Variants in UBE4B observed in about 807,000 individuals in gnomAD.
UBE4B encodes ubiquitination factor E4B.
UBE4B carries 27 observed loss-of-function variants against 148.1 expected under a neutral mutation model. The ratio of observed to expected loss-of-function variants is 0.18; its 90% CI spans 0.13 to 0.25. The LOEUF is 0.25. Ranked by LOEUF, UBE4B falls within the 10% of genes least tolerant of loss-of-function variation. The pLI is 1.00. For synonymous variants in UBE4B, 596 were observed against 619.3 expected (o/e 0.96, Z 0.56); for missense variants, 1,170 against 1,662.4 (o/e 0.70, Z 5.15).
chr1:10,152,564 G>A (rs1042742518), intron 21 of UBE4B, among the ~76,000 whole-genome samples: 11 of 151,908 alleles, frequency 7.2e-5, no homozygotes, highest in African/African-American at 2.2e-4. Context: ...TTGGGAGGCC[G>A]AGGCGGGTGG....
Position 10,122,016 on chromosome 1 carries a change from A to T in UBE4B, c.1494A>T (p.Pro498=). The T allele has an allele frequency of 6.2e-7, 1 of 1,613,726 alleles. No individual in the cohort carries two copies. The highest frequency in any genetic ancestry group is 8.5e-7 in the Non-Finnish European group (1 of 1,179,888). The part of the protein sequence containing the change: ...LVPYMLCRNL[P]YGFIQELVRT... ...CGTATATGCTGTGTAGGAATCTCCC[A>T]TATGGCTTCATTCAGGAACTGGTGA... is the stretch of plus-strand genomic sequence containing the variant. The change falls in exon 10 of 28, where the codon CCA becomes CCT. Residue 498 remains proline, a synonymous_variant. Transcript: ENST00000343090.
chr1:10,121,350 A>G (rs183175410), intron 9 of UBE4B, among the ~76,000 whole-genome samples: 2 of 152,298 alleles, frequency 1.3e-5, no homozygotes, highest in East Asian at 1.9e-4. Flanking sequence ...GCGAGACTCC[A>G]TCTCTAAAAA....
At chr1:10,136,441 C>T (rs1645684112) in intron 16 of UBE4B, among the ~76,000 whole-genome samples, 1 of 148,232 alleles carries the variant, frequency 6.7e-6, no homozygotes, top group Admixed American at 6.8e-5. Flanking sequence ...CTGCACTGCA[C>T]TGCAGCCTAG....
At chr1:10,038,932 C>T (rs924281324) in intron 1 of UBE4B, among the ~76,000 whole-genome samples, 6 of 151,970 alleles carry the variant, frequency 3.9e-5, no homozygotes, top group Admixed American at 3.3e-4. Context: ...TGATGGTACG[C>T]ACCTGTAATC....
intron 1 of UBE4B, among the ~76,000 whole-genome samples, chr1:10,057,637 C>T (rs1272872280): frequency 1.3e-5 from 2 of 149,808 alleles, no homozygotes. Flanking sequence ...AACTGCTGAG[C>T]TCAAGCAGTC....
chr1:10,163,471 C>T (rs1646199360), intron 23 of UBE4B: 1 of 152,112 alleles, frequency 6.6e-6, no homozygotes, highest in Admixed American at 6.6e-5. Flanking sequence ...AGATCAAGAA[C>T]ATCCTGGCCA....
At chr1:10,044,481 G>T (rs535389646) in intron 1 of UBE4B, among the ~76,000 whole-genome samples, 347 of 152,220 alleles carry the variant, frequency 2.3e-3, no homozygotes, top group Non-Finnish European at 3.8e-3. Flanking sequence ...GGAGGGGAAG[G>T]GATGGTTTTG....
chr1:10,105,011 G>A (rs1645082186), intron 5 of UBE4B, among the ~76,000 whole-genome samples: 1 of 152,230 alleles, frequency 6.6e-6, no homozygotes, highest in South Asian at 2.1e-4. Context: ...GCCACATGGT[G>A]ACTAGATGTT....
At chr1:10,112,256 T>C (rs1033516874) in intron 7 of UBE4B, among the ~76,000 whole-genome samples, 2 of 152,230 alleles carry the variant, frequency 1.3e-5, no homozygotes, top group African/African-American at 4.8e-5. Flanking sequence ...GAGGGAGGTA[T>C]AATTTTCTAG....
At chr1:10,119,823 G>T (rs1309023285) in intron 9 of UBE4B, among the ~76,000 whole-genome samples, 1 of 152,166 alleles carries the variant, frequency 6.6e-6, no homozygotes, top group Admixed American at 6.5e-5. Context: ...ATTTTAAAAA[G>T]AAATTAGTTA....
chr1:10,046,697 C>T (rs1464592683), intron 1 of UBE4B, among the ~76,000 whole-genome samples: 1 of 152,128 alleles, frequency 6.6e-6, no homozygotes, highest in Non-Finnish European at 1.5e-5. Flanking sequence ...GTTTCTTTTC[C>T]TCTGGGGTCA....
At chr1:10,045,206 C>G (rs930752842) in intron 1 of UBE4B, among the ~76,000 whole-genome samples, 2 of 152,208 alleles carry the variant, frequency 1.3e-5, no homozygotes, top group Admixed American at 6.5e-5. Flanking sequence ...GAGCTTCACT[C>G]CCTCACTCGC....
At chr1:10,163,518 A>G (rs1008688008) in intron 23 of UBE4B, 1 of 151,932 alleles carries the variant, frequency 6.6e-6, no homozygotes, top group African/African-American at 2.4e-5. Context: ...AAATACAAAA[A>G]TTAGCTGGGT....
At chr1:10,047,101 T>G (rs1432554166) in intron 1 of UBE4B, among the ~76,000 whole-genome samples, 1 of 152,234 alleles carries the variant, frequency 6.6e-6, no homozygotes, top group East Asian at 1.9e-4. Context: ...ACAGTATCTG[T>G]GCCCATGCTG....
intron 9 of UBE4B, among the ~76,000 whole-genome samples, chr1:10,121,487 G>C (rs1244960267): frequency 6.6e-6 from 1 of 151,754 alleles, no homozygotes; most frequent in Admixed American, 6.6e-5. Context: ...TCAAACTCCT[G>C]GGCTCAGGCA....
At position 10,161,292 on chromosome 1, in the gene UBE4B, G is replaced by T; in HGVS notation, c.3198+6G>T. The T allele has an allele frequency of 6.2e-7, 1 of 1,613,922 alleles. No individual in the cohort carries two copies. Among genetic ancestry groups the T allele is most frequent in the South Asian group, 1.1e-5 (1 of 91,052 alleles). On this transcript the variant is annotated splice_donor_region_variant and intron_variant, in intron 23 of 27. Coordinates refer to ENST00000343090, the MANE Select transcript of UBE4B (RefSeq NM_001105562.3). The surrounding 1 kb of genome is among the most constrained non-coding windows in gnomAD (Gnocchi z 4.1). Reference sequence around the variant, plus strand: ...AGTGGGACCAGTTGCCCCGGGTGAGGACGTGGTCCAGAGGCTTGGACAGCT... The same window carrying T: ...AGTGGGACCAGTTGCCCCGGGTGAGTACGTGGTCCAGAGGCTTGGACAGCT...
rs1448017336 is a variant in UBE4B at position 10,132,408 on chromosome 1, G to T, written c.1951G>T (p.Gly651Cys). 1.2e-6 allele frequency: 2 copies of T among 1,614,110 alleles called. No individual in the cohort carries two copies. Among genetic ancestry groups the T allele is most frequent in the Non-Finnish European group, 1.7e-6 (2 of 1,180,020 alleles). Residue 651 changes from glycine (G) to cysteine (C), a missense_variant, in exon 15 of 28, where the codon GGC (glycine) becomes TGC (cysteine). Physicochemically the swap from Gly to Cys is radical, Grantham distance 159 (BLOSUM62 -3). This residue lies in a region of UBE4B where 388 missense variants were observed against 536.0 expected (regional missense o/e 0.72). Transcript: ENST00000343090. ...GATTCTGCATAGTATTTTGTTAAAT[G>T]GCGAAACCCGTGAGGCTGCTCTCAG... is the stretch of plus-strand genomic sequence containing the variant. ...FKILHSILLN[G>C]ETREAALSYM...
chr1:10,129,342 CA>C, intron 11 of UBE4B, 49 bp from the exon 12 acceptor site: 1 of 1,534,240 alleles, frequency 6.5e-7, no homozygotes, highest in Non-Finnish European at 9.0e-7. Context: ...CTACAAATGA[CA>C]GTCAGTTTAA....
intron 7 of UBE4B, among the ~76,000 whole-genome samples, chr1:10,110,499 CTAAAA>C (rs1006642474): frequency 1.3e-4 from 20 of 151,696 alleles, no homozygotes; most frequent in African/African-American, 4.6e-4. Context: ...ACCCCCAAAC[CTAAAA>C]TAAAAGTTAA....
Sources: allele counts gnomAD v4.1 joint callset (sites outside exome capture counted in the v4.1 genomes callset), GRCh38; gene constraint gnomAD v4.1.1; regional missense constraint gnomAD v4.1.1; non-coding constraint Gnocchi (gnomAD v3.1); transcripts MANE v1.5; gene names NCBI Gene and HGNC (gene_info 2026-07-23, HGNC 2026-07-21).